ATP1A3: variants seen among roughly 807,000 people sequenced by gnomAD.
ATP1A3 encodes ATPase Na+/K+ transporting subunit alpha 3, also known as sodium/potassium-transporting ATPase subunit alpha-3.
Under a neutral mutation model 108.8 loss-of-function variants are expected in ATP1A3, and 12 were observed. The observed-to-expected ratio is 0.11, with a 90% CI of 0.07 to 0.18. The LOEUF is 0.18. Among genes scored for constraint, ATP1A3 ranks in the 10% least tolerant of loss-of-function variants. The probability of loss-of-function intolerance (pLI) is 1.00; values close to 1 mark genes in which losing one functional copy is unlikely to be tolerated. For synonymous variants in ATP1A3, 539 were observed against 564.5 expected (o/e 0.95, Z 0.64); for missense variants, 498 against 1,387.7 (o/e 0.36, Z 10.19).
intron 16 of ATP1A3, among the ~76,000 whole-genome samples, chr19:41,974,524 G>A (rs531604753): frequency 6.6e-6 from 1 of 152,292 alleles, no homozygotes; most frequent in South Asian, 2.1e-4. Context: ...TAGGAGACAA[G>A]GGCTGAGGAC....
Position 41,981,719 on chromosome 19 carries a change from C to A in ATP1A3, c.1302+3G>T, listed in dbSNP as rs1176559423. ...CCGAGGTGAGGCCAGTAGCTGAACC[C>A]ACCTTGAGCACAGGGATGTTGTCCT... On this transcript the variant is annotated splice_donor_region_variant and intron_variant, in intron 10 of 22. Transcript: ENST00000648268. This position sits in a 1 kb window ranked among gnomAD's most constrained non-coding sequence, Gnocchi z 5.0. 7.4e-6 allele frequency: 12 copies of A among 1,614,068 alleles called. No individual in the cohort carries two copies. The highest frequency in any genetic ancestry group is 1.0e-5 in the Non-Finnish European group (12 of 1,180,038).
chr19:41,989,104 T>G (rs1555866527), intron 1 of ATP1A3, among the ~76,000 whole-genome samples: 1 of 151,886 alleles, frequency 6.6e-6, no homozygotes, highest in African/African-American at 2.4e-5. Flanking sequence ...CACGCCCGGC[T>G]AATTTTTAAT....
chr19:41,969,381 G>GCTCAC, intron 19 of ATP1A3, 54 bp downstream of exon 19: 2 of 1,613,448 alleles, frequency 1.2e-6, no homozygotes, highest in Non-Finnish European at 1.7e-6. Flanking sequence ...GGCTGGAACA[G>GCTCAC]CTCACCCCGG....
intron 4 of ATP1A3, among the ~76,000 whole-genome samples, chr19:41,986,924 T>TA (rs1183018100): frequency 3.9e-5 from 6 of 151,902 alleles, no homozygotes; most frequent in African/African-American, 1.5e-4. Flanking sequence ...TGTGTTTTTT[T>TA]AGAGGCTGGG....
Position 41,981,597 on chromosome 19 carries a change from T to C in ATP1A3, c.1342A>G (p.Lys448Glu). The C allele has an allele frequency of 6.2e-7, 1 of 1,614,122 alleles. No individual in the cohort carries two copies. Among genetic ancestry groups the C allele is most frequent in the Non-Finnish European group, 8.5e-7 (1 of 1,180,024 alleles). Reference protein sequence around the residue: ...AGDASESALLKCIELSSGSVK... With the variant: ...AGDASESALLECIELSSGSVK... ...GAGCCAGAGGACAGCTCGATGCACT[T>C]GAGCAGGGCAGACTCAGACGCATCC... The change falls in exon 11 of 23, where the codon AAG becomes GAG. Residue 448 changes from lysine (K) to glutamate (E), a missense_variant. Lys to Glu is a moderately conservative substitution (Grantham distance 56, BLOSUM62 1). This residue lies in a region of ATP1A3 where 92 missense variants were observed against 168.7 expected (regional missense o/e 0.55). Transcript: ENST00000648268. The surrounding 1 kb of genome is among the most constrained non-coding windows in gnomAD (Gnocchi z 5.0).
intron 16 of ATP1A3, among the ~76,000 whole-genome samples, 175 bp downstream of exon 16, chr19:41,975,454 G>T (rs570410086): frequency 6.6e-6 from 1 of 152,302 alleles, no homozygotes; most frequent in South Asian, 2.1e-4. Context: ...CTGCCCAGGG[G>T]AGCTCCCGAC....
rs201391210 is a variant in ATP1A3, at chr19:41,977,955, C to G, written c.1924G>C (p.Val642Leu). ...EDIAARLNIP[V>L]SQVNPRDAKA... ...GCTCACCGGGGGTTAACCTGGCTGA[C>G]GGGAATGTTGAGCCGGGCGGCGATG... The change falls in exon 14 of 23, where the codon GTC becomes CTC. Residue 642 changes from valine (V) to leucine (L), a missense_variant. Val to Leu is a conservative substitution (Grantham distance 32). Around this residue, in one of 9 missense-constraint regions of ATP1A3, gnomAD observed 31 missense variants for 132.5 expected, o/e 0.23. Coordinates refer to ENST00000648268, the MANE Select transcript of ATP1A3 (RefSeq NM_152296.5). The G allele has an allele frequency of 8.1e-6, 13 of 1,614,190 alleles. No homozygotes were observed. The highest frequency in any genetic ancestry group is 1.1e-5 in the Non-Finnish European group (13 of 1,180,016).
chr19:41,992,274 C>T (rs993425868), intron 1 of ATP1A3, among the ~76,000 whole-genome samples: 2 of 152,168 alleles, frequency 1.3e-5, no homozygotes, highest in Admixed American at 6.5e-5. Flanking sequence ...CCTTGGGGAG[C>T]AGGCTCCCAT....
rs1410959587 is a variant in ATP1A3 at position 41,978,441 on chromosome 19, A to C, written c.1631-115T>G. On this transcript the variant is annotated intron_variant, in intron 12 of 22. Coordinates refer to ENST00000648268, the MANE Select transcript of ATP1A3 (RefSeq NM_152296.5). This position sits in a 1 kb window ranked among gnomAD's most constrained non-coding sequence, Gnocchi z 8.3. ...CTCCCCATCAGCAAGACGGCCAGTC[A>C]GCATTCATTTCCTAGGATACCTTCC... 15 of 1,471,834 alleles carry C rather than the reference A, an allele frequency of 1.0e-5. No individual in the cohort carries two copies. Among genetic ancestry groups the C allele is most frequent in the South Asian group, 3.6e-5 (3 of 83,582 alleles). The allele number at this position is 1,471,834 out of a possible 1,614,324, so 91.2% of individuals were successfully genotyped here.
rs1599715662 is a variant in ATP1A3 at position 41,978,432 on chromosome 19, C to T, written c.1631-106G>A. ...GCATTCCATCTCCCCATCAGCAAGA[C>T]GGCCAGTCAGCATTCATTTCCTAGG... On this transcript the variant is annotated intron_variant, in intron 12 of 22. Coordinates refer to ENST00000648268, the MANE Select transcript of ATP1A3 (RefSeq NM_152296.5). The surrounding 1 kb of genome is among the most constrained non-coding windows in gnomAD (Gnocchi z 8.3). 1.4e-5 allele frequency: 20 copies of T among 1,480,378 alleles called. No individual in the cohort carries two copies. Among genetic ancestry groups the T allele is most frequent in the Middle Eastern group, 2.0e-4 (1 of 4,988 alleles). The allele number at this position is 1,480,378 out of a possible 1,614,324, so 91.7% of individuals were successfully genotyped here.
rs2075158658 is a variant in ATP1A3, at chr19:41,975,723, G to A, written c.2169C>T (p.Ala723=). The A allele has an allele frequency of 6.2e-7, 1 of 1,613,978 alleles. No homozygotes were observed. The highest frequency in any genetic ancestry group is 1.7e-5 in the Admixed American group (1 of 59,996). The change falls in exon 16 of 23, where the codon GCC becomes GCT. Residue 723 remains alanine (A), a synonymous_variant. Transcript: ENST00000648268. The stretch of plus-strand genomic sequence containing the variant: ...AGACGTCAGAGCCAGCGATGCCCAT[G>A]GCCACCCCAATGTCGGCCTTCTTCA... The part of the protein sequence containing the change: ...PALKKADIGV[A]MGIAGSDVSK...
chr19:41,993,501 GC>G, intron 1 of ATP1A3: 3 of 676,968 alleles, frequency 4.4e-6, no homozygotes, highest in Non-Finnish European at 6.7e-6. Context: ...TGCGGAGCCT[GC>G]ACACACACAC....
rs200567479 is a variant in ATP1A3 at position 41,986,260 on chromosome 19, G to A, written c.358-31C>T. ...GGGAGATGTGGGGATGTTGATCAGG[G>A]GCCGCCCAAGCCACTCTCCACCAGT... On this transcript the variant is annotated intron_variant, in intron 4 of 22. Coordinates refer to ENST00000648268, the MANE Select transcript of ATP1A3 (RefSeq NM_152296.5). 6 of 1,604,482 alleles carry A rather than the reference G, an allele frequency of 3.7e-6. No individual in the cohort carries two copies. In the African/African-American group the frequency reaches 8.0e-5, roughly 21 times the overall value.
chr19:41,984,807 AG>A, intron 8 of ATP1A3, 110 bp downstream of exon 8: 1 of 1,314,510 alleles, frequency 7.6e-7, no homozygotes, highest in African/African-American at 1.5e-5. Context: ...CCAGGCCTCT[AG>A]CCCCTCCTCC....
Position 41,985,090 on chromosome 19 carries a change from A to T in ATP1A3, c.821T>A (p.Ile274Asn), listed in dbSNP as rs80356532. ...GATGAAGTGCTCAATCTCGATGGCG[A>T]TGGGCGTCTTGCCCACCTCCAGCCC... Reference protein sequence around the residue: ...ASGLEVGKTPIAIEIEHFIQL... With the variant: ...ASGLEVGKTPNAIEIEHFIQL... The change falls in exon 8 of 23, where the codon ATC becomes AAC. Residue 274 changes from isoleucine (I) to asparagine (N), a missense_variant. By Grantham distance (149) the Ile-to-Asn change is moderately radical (BLOSUM62 -3). Coordinates refer to ENST00000648268, the MANE Select transcript of ATP1A3 (RefSeq NM_152296.5). This position sits in a 1 kb window ranked among gnomAD's most constrained non-coding sequence, Gnocchi z 8.2. The T allele has an allele frequency of 6.2e-7, 1 of 1,613,948 alleles. No homozygotes were observed. Among genetic ancestry groups the T allele is most frequent in the Admixed American group, 1.7e-5 (1 of 59,978 alleles).
rs201423892 is a variant in ATP1A3 at position 41,975,807 on chromosome 19, G to C, written c.2095-10C>G. The C allele has an allele frequency of 3.3e-5, 54 of 1,613,996 alleles. No homozygotes were observed. The highest frequency in any genetic ancestry group is 2.5e-6 in the Non-Finnish European group (3 of 1,179,952). ...CAGCCACAATTGCACCCTGGAGGGAGAGAGGGTAAGGATGACACCCAGAGG... is the reference window on the plus strand; with the variant it reads ...CAGCCACAATTGCACCCTGGAGGGACAGAGGGTAAGGATGACACCCAGAGG... On this transcript the variant is annotated splice_polypyrimidine_tract_variant and intron_variant, in intron 15 of 22. Transcript: ENST00000648268.
chr19:41,989,538 C>T (rs182330347), intron 1 of ATP1A3, among the ~76,000 whole-genome samples: 71 of 152,144 alleles, frequency 4.7e-4, no homozygotes, highest in Middle Eastern at 3.4e-3. Context: ...CCAGGATGGT[C>T]GCAATCTCCT....
chr19:41,990,676 AT>A, intron 1 of ATP1A3, among the ~76,000 whole-genome samples: 1 of 1,820 alleles, frequency 5.5e-4, no homozygotes, highest in Non-Finnish European at 1.1e-3. Flanking sequence ...CTCTCTGTCC[AT>A]ATATATATAT....
intron 16 of ATP1A3, among the ~76,000 whole-genome samples, chr19:41,973,558 T>C (rs1226181429): frequency 6.6e-6 from 1 of 152,096 alleles, no homozygotes; most frequent in Non-Finnish European, 1.5e-5. Flanking sequence ...GCCTGGCCCC[T>C]GACGGAAGTT....
Sources: gnomAD v4.1 joint callset for allele counts (sites outside exome capture counted in the v4.1 genomes callset) on GRCh38, gnomAD v4.1.1 for gene constraint, gnomAD v4.1.1 regional missense constraint, Gnocchi (gnomAD v3.1) non-coding constraint, MANE v1.5 for transcripts, NCBI Gene and HGNC (gene_info 2026-07-23, HGNC 2026-07-21) for gene names.